RAB28: variants seen among roughly 807,000 people sequenced by gnomAD.
RAB28 encodes RAB28, member RAS oncogene family.
A neutral mutation model predicts 31.7 loss-of-function variants in RAB28; 24 were observed. That is an observed-to-expected ratio of 0.76 (90% CI 0.55 to 1.06). RAB28 has a LOEUF of 1.06. Among genes scored for constraint, RAB28 ranks in the 50% least tolerant of loss-of-function variants. The pLI is 0.00. For missense variants in RAB28, 254 were observed against 258.5 expected, an observed-to-expected ratio of 0.98 and a Z score of 0.12; for synonymous variants, 100 against 90.4, an observed-to-expected ratio of 1.11 and a Z score of -0.60.
At chr4:13,432,780 C>T (rs560277975) in intron 4 of RAB28, among the ~76,000 whole-genome samples, 52 of 152,152 alleles carry the variant, frequency 3.4e-4, no homozygotes, top group African/African-American at 1.2e-3. Flanking sequence ...AAGAAATGCT[C>T]AAAGGAGTTC....
At chr4:13,420,875 T>C (rs530261882) in intron 4 of RAB28, among the ~76,000 whole-genome samples, 2 of 152,348 alleles carry the variant, frequency 1.3e-5, no homozygotes, top group Admixed American at 1.3e-4. Flanking sequence ...TCACCAGTCC[T>C]ATTCAACATA....
intron 4 of RAB28, among the ~76,000 whole-genome samples, chr4:13,440,813 A>G (rs1290651715): frequency 1.3e-5 from 2 of 152,096 alleles, no homozygotes; most frequent in Non-Finnish European, 2.9e-5. Context: ...ACCCTAATTC[A>G]CTATGACTAG....
In RAB28 at chr4:13,367,845, G is replaced by C. The variant is rs1728564642; in HGVS notation, c.*713C>G. The C allele has an allele frequency of 3.0e-6, 3 of 984,776 alleles. No individual in the cohort carries two copies. Among genetic ancestry groups the C allele is most frequent in the South Asian group, 9.4e-5 (2 of 21,286 alleles). 61.0% of individuals were successfully genotyped at this position (984,776 alleles called of 1,614,324 possible). The stretch of plus-strand genomic sequence containing the variant: ...CAGTTTGCAAGAGAAATTCCACGTG[G>C]AGCATCAGCTGAACATTTATCAGAA... On this transcript the variant is annotated 3_prime_UTR_variant, in exon 7 of 7. Coordinates refer to ENST00000330852, the MANE Select transcript of RAB28 (RefSeq NM_001017979.3).
chr4:13,448,339 A>T (rs1714799106), intron 4 of RAB28, among the ~76,000 whole-genome samples: 1 of 152,148 alleles, frequency 6.6e-6, no homozygotes, highest in South Asian at 2.1e-4. Flanking sequence ...AATAAGATGA[A>T]TTATGCTTTT....
intron 3 of RAB28, among the ~76,000 whole-genome samples, chr4:13,471,849 A>G (rs1169490872): frequency 6.6e-6 from 1 of 150,656 alleles, no homozygotes; most frequent in Non-Finnish European, 1.5e-5. Context: ...CCACCAAAAG[A>G]GAAAGAAGTC....
intron 4 of RAB28, among the ~76,000 whole-genome samples, chr4:13,457,583 T>C (rs1715363411): frequency 6.6e-6 from 1 of 151,470 alleles, no homozygotes; most frequent in Non-Finnish European, 1.5e-5. Flanking sequence ...AAAGGGGTTA[T>C]AGCTATGCCA....
Position 13,484,105 on chromosome 4 carries a change from C to A in RAB28, c.46G>T (p.Val16Phe). 1 of 1,602,434 alleles carries A rather than the reference C, an allele frequency of 6.2e-7. No homozygotes were observed. The highest frequency in any genetic ancestry group is 8.5e-7 in the Non-Finnish European group (1 of 1,174,912). The change falls in exon 1 of 7, where the codon GTC becomes TTC. Residue 16 changes from valine (V) to phenylalanine (F), a missense_variant. Transcript: ENST00000330852. ...EESQDRQLKI[V>F]VLGDGASGKT... ...CCGGAGGCGCCGTCCCCCAGCACGACGATTTTCAGTTGCCGGTCCTGGCTC... is the reference window on the plus strand; with the variant it reads ...CCGGAGGCGCCGTCCCCCAGCACGAAGATTTTCAGTTGCCGGTCCTGGCTC...
intron 4 of RAB28, among the ~76,000 whole-genome samples, chr4:13,392,992 T>C (rs1259609722): frequency 1.2e-4 from 19 of 152,214 alleles, no homozygotes; most frequent in Admixed American, 1.2e-3. Flanking sequence ...TGTATGTGCC[T>C]GGCATATACT....
intron 4 of RAB28, among the ~76,000 whole-genome samples, chr4:13,450,584 T>C (rs1422210202): frequency 1.3e-5 from 2 of 152,088 alleles, no homozygotes; most frequent in East Asian, 3.9e-4. Flanking sequence ...AGCACTGTTG[T>C]AAGTGATGAG....
At chr4:13,404,285 G>C (rs1354719100) in intron 4 of RAB28, among the ~76,000 whole-genome samples, 5 of 152,138 alleles carry the variant, frequency 3.3e-5, no homozygotes, top group Non-Finnish European at 7.3e-5. Flanking sequence ...GGCTGAGGCA[G>C]GAGAATCACT....
At chr4:13,459,934 A>G (rs1459175689) in intron 4 of RAB28, 1 of 1,285,776 alleles carries the variant, frequency 7.8e-7, no homozygotes, top group Non-Finnish European at 1.0e-6. Flanking sequence ...GACCACAGGA[A>G]GCCAAAACAC....
intron 4 of RAB28, among the ~76,000 whole-genome samples, chr4:13,402,676 C>T (rs1343472134): frequency 6.6e-6 from 1 of 151,966 alleles, no homozygotes; most frequent in African/African-American, 2.4e-5. Context: ...CTTTTCTATC[C>T]AATATGATTA....
chr4:13,445,183 G>C (rs1191075497), intron 4 of RAB28, among the ~76,000 whole-genome samples: 1 of 151,554 alleles, frequency 6.6e-6, no homozygotes, highest in Non-Finnish European at 1.5e-5. Flanking sequence ...ATTGATACTT[G>C]TGTATGCTTC....
At chr4:13,433,224 A>C (rs1713914232) in intron 4 of RAB28, among the ~76,000 whole-genome samples, 1 of 152,006 alleles carries the variant, frequency 6.6e-6, no homozygotes, top group South Asian at 2.1e-4. Flanking sequence ...TTCAAAAAAA[A>C]AAAGACAAAG....
At chr4:13,386,688 G>C (rs1035108391) in intron 4 of RAB28, among the ~76,000 whole-genome samples, 4 of 152,162 alleles carry the variant, frequency 2.6e-5, no homozygotes, top group Non-Finnish European at 2.9e-5. Flanking sequence ...AAACAGTGTG[G>C]TGATTCCTCA....
In RAB28 at chr4:13,472,416, TA is replaced by T. The variant is rs1171177361; in HGVS notation, c.261+1901del. On this transcript the variant is annotated intron_variant, in intron 3 of 6. Coordinates refer to ENST00000330852, the MANE Select transcript of RAB28 (RefSeq NM_001017979.3). ...TTTTAAATAATTTAAATAAATTAGA[TA>T]ATAAATTTTTAAATGACTTGAAGAT... 2.0e-5 allele frequency among the ~76,000 whole-genome samples: 3 copies of T among 151,538 alleles called. No homozygotes were observed. The East Asian group carries it at 5.8e-4, about 29-fold the overall frequency.
chr4:13,422,563 T>C (rs540781070), intron 4 of RAB28, among the ~76,000 whole-genome samples: 1 of 152,264 alleles, frequency 6.6e-6, no homozygotes, highest in African/African-American at 2.4e-5. Flanking sequence ...GAAAATACTA[T>C]GCAGCCATAA....
At chr4:13,407,183 A>G (rs758269299) in intron 4 of RAB28, among the ~76,000 whole-genome samples, 1 of 152,222 alleles carries the variant, frequency 6.6e-6, no homozygotes, top group Admixed American at 6.5e-5. Context: ...TAATTTTTGT[A>G]TAAGGTGTAA....
intron 5 of RAB28, among the ~76,000 whole-genome samples, chr4:13,378,027 A>AAT (rs1728988252): frequency 6.6e-6 from 1 of 152,224 alleles, no homozygotes; most frequent in Non-Finnish European, 1.5e-5. Context: ...AGCCTATTAG[A>AAT]CATCTAAGAG....
Sources: gnomAD v4.1 joint callset for allele counts (sites outside exome capture counted in the v4.1 genomes callset) on GRCh38, gnomAD v4.1.1 for gene constraint, MANE v1.5 for transcripts, NCBI Gene and HGNC (gene_info 2026-07-23, HGNC 2026-07-21) for gene names.